Variants in CERS4 observed in about 807,000 individuals in gnomAD.
CERS4 encodes the protein ceramide synthase 4, also known as LAG1 homolog, ceramide synthase 4.
In CERS4, 65 loss-of-function variants were observed where a neutral mutation model predicts 51.8. The ratio of observed to expected loss-of-function variants is 1.26; its 90% CI spans 1.03 to 1.54. CERS4 has a LOEUF of 1.54. Among genes scored for constraint, CERS4 ranks in the 40% most tolerant of loss-of-function variants. The probability of loss-of-function intolerance (pLI) is 0.00; values close to 1 mark genes in which losing one functional copy is unlikely to be tolerated. For missense variants in CERS4, 563 were observed against 500.4 expected, an observed-to-expected ratio of 1.13 and a Z score of -1.19; for synonymous variants, 228 against 208.4, an observed-to-expected ratio of 1.09 and a Z score of -0.81.
intron 2 of CERS4, among the ~76,000 whole-genome samples, chr19:8,212,955 C>CT (rs1388228843): frequency 6.6e-6 from 1 of 151,930 alleles, no homozygotes; most frequent in African/African-American, 2.4e-5. Context: ...GCCCGTCTCA[C>CT]TTTCTTTTGT....
rs1223180186 is a variant in CERS4 at position 8,257,254 on chromosome 19, C to G, written c.741+177C>G. 9 of 653,812 alleles carry G rather than the reference C, an allele frequency of 1.4e-5. No homozygotes were observed. The South Asian group carries it at 1.7e-4, about 12-fold the overall frequency. 40.5% of individuals were successfully genotyped at this position (653,812 alleles called of 1,614,324 possible). On this transcript the variant is annotated intron_variant, in intron 9 of 11. Transcript: ENST00000251363. ...CTTCCAGGCTGATAAGGCCCCACCC[C>G]CTCTGTCTTCCTGGGTGATGAAGCC...
chr19:8,238,887 C>A (rs1328547020), intron 2 of CERS4, among the ~76,000 whole-genome samples: 2 of 151,918 alleles, frequency 1.3e-5, no homozygotes, highest in Admixed American at 1.3e-4. Flanking sequence ...TGGCTCAAGA[C>A]CAGGAGTGCA....
At chr19:8,254,375 TC>T in intron 3 of CERS4, 123 bp from the exon 4 acceptor site, 3 of 562,102 alleles carry the variant, frequency 5.3e-6, no homozygotes, top group Non-Finnish European at 9.7e-6. Context: ...CCAGCTGTGC[TC>T]TCTGAGCCTG....
intron 2 of CERS4, among the ~76,000 whole-genome samples, chr19:8,233,316 C>T (rs987945092): frequency 6.6e-6 from 1 of 151,894 alleles, no homozygotes; most frequent in Non-Finnish European, 1.5e-5. Context: ...CAGGCACGTA[C>T]CACCACACCC....
At chr19:8,250,066 C>T (rs1476632616) in intron 2 of CERS4, among the ~76,000 whole-genome samples, 1 of 151,926 alleles carries the variant, frequency 6.6e-6, no homozygotes, top group Non-Finnish European at 1.5e-5. Context: ...CCTCCTCCTC[C>T]CGGGTTCAAG....
intron 10 of CERS4, among the ~76,000 whole-genome samples, chr19:8,259,565 G>A (rs762229175): frequency 6.6e-6 from 1 of 152,130 alleles, no homozygotes; most frequent in Non-Finnish European, 1.5e-5. Flanking sequence ...CATGGGAAGT[G>A]TGGGCAGGAG....
intron 10 of CERS4, among the ~76,000 whole-genome samples, chr19:8,260,127 T>TG (rs1453986766): frequency 1.3e-5 from 2 of 151,994 alleles, no homozygotes; most frequent in Non-Finnish European, 2.9e-5. Flanking sequence ...GGCTGAGCAC[T>TG]GTGGAGTGAG....
In CERS4 at chr19:8,256,579, T is replaced by C. The variant is rs373178547; in HGVS notation, c.520-39T>C. 9 of 1,572,528 alleles carry C rather than the reference T, an allele frequency of 5.7e-6. No homozygotes were observed. The African/African-American group carries it at 1.2e-4, about 21-fold the overall frequency. On this transcript the variant is annotated intron_variant, in intron 7 of 11. Coordinates refer to ENST00000251363, the MANE Select transcript of CERS4 (RefSeq NM_024552.3). ...GCCATACCCCTGCCCGATTGGAGCC[T>C]TCGCTCCCCACAGCTAACCTTGTCC...
chr19:8,253,924 A>G (rs989058022), intron 3 of CERS4, among the ~76,000 whole-genome samples: 1 of 152,010 alleles, frequency 6.6e-6, no homozygotes, highest in Admixed American at 6.6e-5. Context: ...CCACCCCTCC[A>G]GGGCCCCAGG....
intron 10 of CERS4, 126 bp from the exon 11 acceptor site, chr19:8,261,562 G>T (rs538159802): frequency 1.9e-6 from 2 of 1,071,178 alleles, no homozygotes; most frequent in East Asian, 2.4e-5. Context: ...GTATCATGGG[G>T]TGGGGGGCAC....
At chr19:8,236,538 G>A (rs1968261491) in intron 2 of CERS4, among the ~76,000 whole-genome samples, 1 of 151,436 alleles carries the variant, frequency 6.6e-6, no homozygotes, top group African/African-American at 2.4e-5. Context: ...AATTAGCTGG[G>A]TGTGGTGGCA....
At position 8,256,173 on chromosome 19, in the gene CERS4, G is replaced by A. The variant is rs139946257; in HGVS notation, c.469-63G>A. On this transcript the variant is annotated intron_variant, in intron 6 of 11. Coordinates refer to ENST00000251363, the MANE Select transcript of CERS4 (RefSeq NM_024552.3). ...CTGTGGAAGGAGAACCAAAGAGACC[G>A]CAGACCCAGGGTGGGAGGTTGGATT... The A allele has an allele frequency of 1.0e-3, 1,604 of 1,530,954 alleles. 9 individuals are homozygous for A. In the African/African-American group the frequency reaches 0.011, roughly 11 times the overall value. 94.8% of individuals were successfully genotyped at this position (1,530,954 alleles called of 1,614,324 possible). A position where few individuals can be genotyped will look rare whatever the true frequency, so the allele number is the denominator to read the frequency against.
At chr19:8,220,240 C>A (rs1262010242) in intron 2 of CERS4, among the ~76,000 whole-genome samples, 1 of 150,886 alleles carries the variant, frequency 6.6e-6, no homozygotes, top group Non-Finnish European at 1.5e-5. Context: ...CTTGAAGATA[C>A]CCTACCCGGA....
intron 2 of CERS4, among the ~76,000 whole-genome samples, chr19:8,241,630 G>C (rs1968542754): frequency 6.6e-6 from 1 of 152,114 alleles, no homozygotes; most frequent in Admixed American, 6.6e-5. Flanking sequence ...CTCCACCTCA[G>C]GTGCCATTCC....
rs1969398588 is a variant in CERS4 at position 8,256,641 on chromosome 19, G to T, written c.543G>T (p.Trp181Cys). 1 of 1,613,604 alleles carries T rather than the reference G, an allele frequency of 6.2e-7. No homozygotes were observed. ...AGACTCTGAAGCCATCCCTGTACTG[G>T]TGGTACCTCTTGGAGCTGGGTTTCT... ...PNQTLKPSLY[W>C]WYLLELGFYL... is the part of the protein sequence containing the mutation. The change falls in exon 8 of 12, where the codon TGG becomes TGT. Residue 181 changes from tryptophan (W) to cysteine (C), a missense_variant. Coordinates refer to ENST00000251363, the MANE Select transcript of CERS4 (RefSeq NM_024552.3).
chr19:8,214,563 A>T (rs1468514772), intron 2 of CERS4: 1 of 152,440 alleles, frequency 6.6e-6, no homozygotes, highest in Non-Finnish European at 1.5e-5. Context: ...GGAGTAGATG[A>T]AGAGACTGAA....
At chr19:8,226,920 G>A (rs1253154794) in intron 2 of CERS4, among the ~76,000 whole-genome samples, 1 of 152,006 alleles carries the variant, frequency 6.6e-6, no homozygotes, top group Non-Finnish European at 1.5e-5. Context: ...CCTGAGGTCA[G>A]GAGTTCGAGA....
intron 2 of CERS4, among the ~76,000 whole-genome samples, chr19:8,217,075 G>C (rs951417878): frequency 6.6e-6 from 1 of 152,118 alleles, no homozygotes; most frequent in Non-Finnish European, 1.5e-5. Context: ...GTCAGACTCT[G>C]AGACAGGACA....
chr19:8,210,545 C>G lies in CERS4; in HGVS notation c.-158-161C>G, dbSNP rs2145145744. 1 of 152,142 alleles carries G rather than the reference C, an allele frequency of 6.6e-6. No individual in the cohort carries two copies. The highest frequency in any genetic ancestry group is 2.4e-5 in the African/African-American group (1 of 41,332). 9.4% of individuals were successfully genotyped at this position (152,142 alleles called of 1,614,324 possible). On this transcript the variant is annotated intron_variant, in intron 1 of 11. Transcript: ENST00000251363. This position sits in a 1 kb window ranked among gnomAD's most constrained non-coding sequence, Gnocchi z 4.2. ...AGATGGGGGAATGCTCCCATCGACT[C>G]CAGTCTGAGCTCAGGCAAGGTCTCA...
Sources: gnomAD v4.1 joint callset for allele counts (sites outside exome capture counted in the v4.1 genomes callset) on GRCh38, gnomAD v4.1.1 for gene constraint, Gnocchi (gnomAD v3.1) non-coding constraint, MANE v1.5 for transcripts, NCBI Gene and HGNC (gene_info 2026-07-23, HGNC 2026-07-21) for gene names.